The following LRP1B variants were observed in gnomAD, a reference collection of about 807,000 sequenced individuals.
LRP1B encodes LDL receptor related protein 1B.
Under a neutral mutation model 556.6 loss-of-function variants are expected in LRP1B, and 217 were observed. The ratio of observed to expected loss-of-function variants is 0.39; its 90% CI spans 0.35 to 0.44. The LOEUF (loss-of-function observed/expected upper bound fraction) is 0.44, where lower values mean the gene tolerates loss of function less well. LRP1B is among the 20% of genes least tolerant of loss of function. LRP1B has a pLI of 1.00. For missense variants in LRP1B, 5,053 were observed against 5,620.8 expected, an observed-to-expected ratio of 0.90 and a Z score of 3.23; for synonymous variants, 2,047 against 1,865.8, an observed-to-expected ratio of 1.10 and a Z score of -2.50.
At chr2:140,276,106 A>G (rs1393752719) in intron 84 of LRP1B, among the ~76,000 whole-genome samples, 2 of 152,010 alleles carry the variant, frequency 1.3e-5, no homozygotes, top group Non-Finnish European at 1.5e-5. Context: ...TTAATTGTGA[A>G]GCAATATTAA....
intron 20 of LRP1B, among the ~76,000 whole-genome samples, chr2:140,924,696 A>T (rs1433054239): frequency 1.3e-5 from 2 of 152,096 alleles, no homozygotes; most frequent in Admixed American, 1.3e-4. Context: ...CTTTCTTTAA[A>T]TCCCCTCCAA....
chr2:141,073,816 C>G (rs931484982), intron 7 of LRP1B, among the ~76,000 whole-genome samples: 1 of 152,002 alleles, frequency 6.6e-6, no homozygotes, highest in Non-Finnish European at 1.5e-5. Flanking sequence ...TCACCACATC[C>G]TGCCAGTTAC....
intron 1 of LRP1B, among the ~76,000 whole-genome samples, chr2:141,832,690 A>G (rs1697151754): frequency 6.6e-6 from 1 of 151,808 alleles, no homozygotes; most frequent in African/African-American, 2.4e-5. Flanking sequence ...AATAATAATT[A>G]AGATATAAGT....
chr2:141,628,370 T>C (rs1274288969), intron 2 of LRP1B, among the ~76,000 whole-genome samples: 1 of 152,176 alleles, frequency 6.6e-6, no homozygotes, highest in Non-Finnish European at 1.5e-5. Flanking sequence ...AGTTTATTTC[T>C]GTCTCCTTAT....
intron 2 of LRP1B, among the ~76,000 whole-genome samples, chr2:141,722,611 T>G (rs1025134428): frequency 1.3e-5 from 2 of 152,132 alleles, no homozygotes; most frequent in African/African-American, 4.8e-5. Context: ...ACTTATTAAT[T>G]TCCCTCACCT....
chr2:142,052,480 G>A (rs1704495577), intron 1 of LRP1B, among the ~76,000 whole-genome samples: 1 of 152,068 alleles, frequency 6.6e-6, no homozygotes, highest in South Asian at 2.1e-4. Flanking sequence ...GTGCATCCCA[G>A]ATTATCCTCA....
intron 1 of LRP1B, among the ~76,000 whole-genome samples, chr2:142,041,436 G>C (rs752838793): frequency 1.3e-4 from 20 of 151,352 alleles, no homozygotes; most frequent in Non-Finnish European, 2.4e-4. Flanking sequence ...GTGTATACAT[G>C]AAAAACATTT....
chr2:140,559,605 G>C (rs1242264030), intron 43 of LRP1B, among the ~76,000 whole-genome samples: 2 of 152,090 alleles, frequency 1.3e-5, no homozygotes, highest in Non-Finnish European at 2.9e-5. Context: ...TTGAAAAACT[G>C]ACGAGGCATG....
intron 1 of LRP1B, among the ~76,000 whole-genome samples, chr2:141,948,534 A>G (rs1024258064): frequency 1.4e-4 from 21 of 152,012 alleles, no homozygotes; most frequent in African/African-American, 4.8e-4. Context: ...ACTTCTTACA[A>G]AATAGTCAAT....
intron 1 of LRP1B, among the ~76,000 whole-genome samples, chr2:142,002,476 C>A (rs1005433140): frequency 6.6e-6 from 1 of 151,580 alleles, no homozygotes; most frequent in Non-Finnish European, 1.5e-5. Flanking sequence ...AGGATAAGTG[C>A]TGCTAGCCCT....
Position 140,883,822 on chromosome 2 carries a change from T to A in LRP1B, c.4164A>T (p.Arg1388Ser). The change falls in exon 25 of 91, where the codon AGA becomes AGT. Residue 1388 changes from arginine (R) to serine (S), a missense_variant. Physicochemically the swap from Arg to Ser is moderately radical, Grantham distance 110 (BLOSUM62 -1). This residue lies in a region of LRP1B where 3,619 missense variants were observed against 3,931.9 expected (regional missense o/e 0.92). Coordinates refer to ENST00000389484, the MANE Select transcript of LRP1B (RefSeq NM_018557.3). ...TAAAAGGCAAACTTCTTTACCCATA[T>A]CTTGGGTCCAAAGCAATGGCCCTGG... ...EHPRAIALDP[R>S]YGILFWTDWD... is the part of the protein sequence containing the mutation. 6.2e-7 allele frequency: 1 copy of A among 1,612,936 alleles called. No individual in the cohort carries two copies. Among genetic ancestry groups the A allele is most frequent in the Non-Finnish European group, 8.5e-7 (1 of 1,179,450 alleles).
chr2:140,423,128 C>T (rs1685516992), intron 66 of LRP1B, among the ~76,000 whole-genome samples: 1 of 152,184 alleles, frequency 6.6e-6, no homozygotes, highest in South Asian at 2.1e-4. Context: ...CACCACCTCT[C>T]ACCTTACACC....
chr2:141,684,847 C>T (rs1185481952), intron 2 of LRP1B, among the ~76,000 whole-genome samples: 1 of 152,100 alleles, frequency 6.6e-6, no homozygotes, highest in East Asian at 1.9e-4. Flanking sequence ...AGAGATAGGA[C>T]AGAATGAAAG....
At chr2:140,652,005 T>C (rs1559032804) in intron 41 of LRP1B, among the ~76,000 whole-genome samples, 1 of 151,832 alleles carries the variant, frequency 6.6e-6, no homozygotes, top group Non-Finnish European at 1.5e-5. Context: ...TATTAGAAAA[T>C]TGCCTGATAT....
intron 3 of LRP1B, among the ~76,000 whole-genome samples, chr2:141,317,582 A>G (rs2105463466): frequency 6.6e-6 from 1 of 152,254 alleles, no homozygotes; most frequent in Middle Eastern, 3.4e-3. Flanking sequence ...GGGAGACACA[A>G]TTTAGTGTAT....
At chr2:141,941,223 G>C (rs895868852) in intron 1 of LRP1B, among the ~76,000 whole-genome samples, 2 of 152,128 alleles carry the variant, frequency 1.3e-5, no homozygotes, top group Non-Finnish European at 2.9e-5. Flanking sequence ...TTATGTCTGA[G>C]GAATTTCACC....
intron 41 of LRP1B, among the ~76,000 whole-genome samples, chr2:140,651,328 A>G (rs1684673238): frequency 8.7e-6 from 1 of 114,454 alleles, no homozygotes; most frequent in Non-Finnish European, 1.7e-5. Context: ...CAGGGAGGGG[A>G]ATATCACACT....
chr2:140,853,173 C>G (rs773739570), intron 27 of LRP1B, among the ~76,000 whole-genome samples: 1 of 151,970 alleles, frequency 6.6e-6, no homozygotes, highest in Non-Finnish European at 1.5e-5. Flanking sequence ...TTCTGACCTC[C>G]CCTGAAGCAG....
Position 140,864,997 on chromosome 2 carries a change from C to T in LRP1B, c.4579+2593G>A, listed in dbSNP as rs539342540. Among the ~76,000 whole-genome samples, 5 of 152,074 alleles carry T rather than the reference C, an allele frequency of 3.3e-5. No individual in the cohort carries two copies. In the South Asian group the frequency reaches 6.2e-4, roughly 19 times the overall value. ...GTTTAGGATTTGAACCCAGGCCATG[C>T]CATTAATTCTAAGCTTGGCTCCCTC... On this transcript the variant is annotated intron_variant, in intron 27 of 90. Transcript: ENST00000389484.
Sources: gnomAD v4.1 joint callset for allele counts (sites outside exome capture counted in the v4.1 genomes callset) on GRCh38, gnomAD v4.1.1 for gene constraint, gnomAD v4.1.1 regional missense constraint, MANE v1.5 for transcripts, NCBI Gene and HGNC (gene_info 2026-07-23, HGNC 2026-07-21) for gene names.